Variants in PALLD observed in about 807,000 individuals in gnomAD.
The protein encoded by PALLD is palladin, cytoskeletal associated protein.
In PALLD, 61 loss-of-function variants were observed where a neutral mutation model predicts 123.5. The observed-to-expected ratio is 0.49, with a 90% CI of 0.40 to 0.61. The LOEUF (loss-of-function observed/expected upper bound fraction) is 0.61, where lower values mean the gene tolerates loss of function less well. Among genes scored for constraint, PALLD ranks in the 20% least tolerant of loss-of-function variants. The pLI, the probability that PALLD is intolerant of heterozygous loss-of-function variation, is 0.00. For synonymous variants in PALLD, 465 were observed against 496.4 expected (o/e 0.94, Z 0.84); for missense variants, 1,273 against 1,377.0 (o/e 0.92, Z 1.20).
Position 168,551,815 on chromosome 4 carries a change from G to A in PALLD, c.908+39403G>A, listed in dbSNP as rs982604884. On this transcript the variant is annotated intron_variant, in intron 2 of 21. Coordinates refer to ENST00000505667, the MANE Select transcript of PALLD (RefSeq NM_001166108.2). ...CTAAATGAAGTAAAATTAAACACTC[G>A]TGTTGGCTTATGATCAGTGCTGGAA... Among the ~76,000 whole-genome samples, 7 of 152,124 alleles carry A rather than the reference G, an allele frequency of 4.6e-5. No individual in the cohort carries two copies. The East Asian group carries it at 5.8e-4, about 13-fold the overall frequency.
At chr4:168,862,977 A>G (rs1376505418) in intron 10 of PALLD, among the ~76,000 whole-genome samples, 1 of 152,170 alleles carries the variant, frequency 6.6e-6, no homozygotes, top group Non-Finnish European at 1.5e-5. Context: ...GACATTGAGA[A>G]CACGTGAGGC....
chr4:168,719,730 C>T (rs574377916), intron 10 of PALLD, among the ~76,000 whole-genome samples: 4 of 152,102 alleles, frequency 2.6e-5, no homozygotes, highest in South Asian at 4.1e-4. Context: ...TCCCTCCTCC[C>T]GCTCTCCACC....
chr4:168,714,969 C>G (rs1756889796), intron 10 of PALLD, among the ~76,000 whole-genome samples: 1 of 152,032 alleles, frequency 6.6e-6, no homozygotes, highest in Admixed American at 6.5e-5. Context: ...GCCATGAGCT[C>G]TTTTCTCTAA....
At chr4:168,774,916 T>C (rs1734972472) in intron 10 of PALLD, among the ~76,000 whole-genome samples, 1 of 152,186 alleles carries the variant, frequency 6.6e-6, no homozygotes, top group Non-Finnish European at 1.5e-5. Flanking sequence ...TATACTCTTT[T>C]TGTTTGATTT....
chr4:168,794,985 G>A (rs1317043638), intron 10 of PALLD, among the ~76,000 whole-genome samples: 1 of 152,192 alleles, frequency 6.6e-6, no homozygotes, highest in Non-Finnish European at 1.5e-5. Flanking sequence ...AGCAGATTCA[G>A]TGTTTGGTGA....
chr4:168,685,810 G>GAAAAAAAAAA (rs70961550), intron 6 of PALLD, among the ~76,000 whole-genome samples: 5 of 65,664 alleles, frequency 7.6e-5, no homozygotes, highest in African/African-American at 1.7e-4. Flanking sequence ...AAGACAGATA[G>GAAAAAAAAAA]AAAAAAAAAA....
At chr4:168,640,497 A>G (rs1776833473) in intron 2 of PALLD, among the ~76,000 whole-genome samples, 1 of 152,176 alleles carries the variant, frequency 6.6e-6, no homozygotes, top group Non-Finnish European at 1.5e-5. Context: ...CAAGGCACTC[A>G]CACAAGGTTA....
In PALLD at chr4:168,514,916, T is replaced by C. The variant is rs887382892; in HGVS notation, c.908+2504T>C. On this transcript the variant is annotated intron_variant, in intron 2 of 21. Coordinates refer to ENST00000505667, the MANE Select transcript of PALLD (RefSeq NM_001166108.2). ...CATCAAATTCACACTTCTGCCTCTT[T>C]GGGGGTAGCAGAACTAAAATTTAAT... is the stretch of plus-strand genomic sequence containing the variant. Among the ~76,000 whole-genome samples the C allele has an allele frequency of 2.6e-5, 4 of 152,204 alleles. No homozygotes were observed. In the South Asian group the frequency reaches 8.3e-4, roughly 32 times the overall value.
At chr4:168,868,962 G>A (rs941906051) in intron 10 of PALLD, among the ~76,000 whole-genome samples, 1 of 152,144 alleles carries the variant, frequency 6.6e-6, no homozygotes, top group African/African-American at 2.4e-5. Context: ...GTTTTTGACT[G>A]ATAACCAAAT....
At chr4:168,810,985 G>A (rs1741031272) in intron 10 of PALLD, among the ~76,000 whole-genome samples, 1 of 152,136 alleles carries the variant, frequency 6.6e-6, no homozygotes, top group Non-Finnish European at 1.5e-5. Flanking sequence ...AAAGTCAGAG[G>A]TTAAGGACAA....
intron 9 of PALLD, among the ~76,000 whole-genome samples, chr4:168,710,387 A>G (rs186001840): frequency 6.6e-6 from 1 of 152,214 alleles, no homozygotes; most frequent in African/African-American, 2.4e-5. Flanking sequence ...ATATTTTTAA[A>G]ATATGTTTTT....
At chr4:168,655,698 T>A (rs1387027849) in intron 2 of PALLD, among the ~76,000 whole-genome samples, 1 of 152,244 alleles carries the variant, frequency 6.6e-6, no homozygotes, top group Non-Finnish European at 1.5e-5. Flanking sequence ...CATTCAGTTT[T>A]CTCCTCCCAT....
intron 2 of PALLD, among the ~76,000 whole-genome samples, chr4:168,567,075 T>C (rs551582317): frequency 6.6e-6 from 1 of 152,340 alleles, no homozygotes; most frequent in East Asian, 1.9e-4. Context: ...GTTGTCTCTG[T>C]AGCTCCATTT....
At chr4:168,579,539 G>A (rs1230357826) in intron 2 of PALLD, among the ~76,000 whole-genome samples, 1 of 151,718 alleles carries the variant, frequency 6.6e-6, no homozygotes, top group Non-Finnish European at 1.5e-5. Flanking sequence ...ATATAATATC[G>A]GGTAGTTAAA....
At chr4:168,723,888 G>A (rs1009094139) in intron 10 of PALLD, among the ~76,000 whole-genome samples, 1 of 146,724 alleles carries the variant, frequency 6.8e-6, no homozygotes, top group African/African-American at 2.5e-5. Flanking sequence ...ACTTTGAGTT[G>A]GGCTTTTTTT....
At chr4:168,519,551 T>C (rs1317963998) in intron 2 of PALLD, among the ~76,000 whole-genome samples, 1 of 152,128 alleles carries the variant, frequency 6.6e-6, no homozygotes, top group Non-Finnish European at 1.5e-5. Context: ...GGTGTTTCAG[T>C]AGAATATTAT....
chr4:168,801,233 A>G (rs900856893), intron 10 of PALLD, among the ~76,000 whole-genome samples: 2 of 152,162 alleles, frequency 1.3e-5, no homozygotes, highest in African/African-American at 2.4e-5. Context: ...AGTGGTTACA[A>G]TCTGGGTGTT....
At chr4:168,770,738 CCAA>C (rs200481116) in intron 10 of PALLD, among the ~76,000 whole-genome samples, 49,726 of 152,118 alleles carry the variant, frequency 0.33, 9,008 homozygotes, top group Non-Finnish European at 0.42. Context: ...GCTTCACAAG[CCAA>C]TTAACACATT....
intron 2 of PALLD, among the ~76,000 whole-genome samples, chr4:168,556,536 G>A (rs571434575): frequency 4.7e-4 from 71 of 152,262 alleles, no homozygotes; most frequent in African/African-American, 1.6e-3. Flanking sequence ...CTGTACCAGC[G>A]AAGCAGGATG....
Sources: allele counts gnomAD v4.1 joint callset (sites outside exome capture counted in the v4.1 genomes callset), GRCh38; gene constraint gnomAD v4.1.1; transcripts MANE v1.5; gene names NCBI Gene and HGNC (gene_info 2026-07-23, HGNC 2026-07-21).